The following RBMS3 variants were observed in gnomAD, a reference collection of about 807,000 sequenced individuals.
RBMS3 encodes the protein RNA-binding motif, single-stranded-interacting protein 3.
RBMS3 carries 27 observed loss-of-function variants against 66.8 expected under a neutral mutation model. The ratio of observed to expected loss-of-function variants is 0.40; its 90% CI spans 0.30 to 0.56. The LOEUF is 0.56. Among genes scored for constraint, RBMS3 ranks in the 20% least tolerant of loss-of-function variants. The pLI, the probability that RBMS3 is intolerant of heterozygous loss-of-function variation, is 0.40. For synonymous variants in RBMS3, 188 were observed against 183.0 expected (o/e 1.03, Z -0.22); for missense variants, 513 against 549.5 (o/e 0.93, Z 0.66).
intron 1 of RBMS3, among the ~76,000 whole-genome samples, chr3:29,387,350 A>G (rs1000716970): frequency 2.6e-5 from 4 of 152,216 alleles, no homozygotes; most frequent in African/African-American, 9.7e-5. Context: ...AATCACAAAG[A>G]AAAAACAACT....
At chr3:29,559,829 C>T (rs969311198) in intron 3 of RBMS3, among the ~76,000 whole-genome samples, 3 of 152,058 alleles carry the variant, frequency 2.0e-5, no homozygotes, top group Non-Finnish European at 4.4e-5. Context: ...AGTGGTGAAC[C>T]TAAATAAAGA....
rs187387358 is a variant in RBMS3 at position 29,308,160 on chromosome 3, G to A, written c.75+26404G>A. On this transcript the variant is annotated intron_variant, in intron 1 of 14. Coordinates refer to ENST00000383767, the MANE Select transcript of RBMS3 (RefSeq NM_001003793.3). ...CTTGTCAGCAGTATGTTTTGCAATT[G>A]GAATGAATACTTAGACAAATAAATG... Among the ~76,000 whole-genome samples the A allele has an allele frequency of 3.7e-3, 558 of 151,806 alleles. 3 individuals are homozygous for A. The highest frequency in any genetic ancestry group is 0.012 in the African/African-American group (517 of 41,466).
rs1489385504 is a variant in RBMS3, at chr3:29,765,309, A to G, written c.637+2320A>G. Among the ~76,000 whole-genome samples, 5 of 151,946 alleles carry G rather than the reference A, an allele frequency of 3.3e-5. No homozygotes were observed. In the East Asian group the frequency reaches 9.7e-4, roughly 30 times the overall value. Reference sequence around the variant, plus strand: ...AAATAGCTGAAATCTTACTTTCAGAAATGTATGTCTTAACCAATATTTGAT... The same window carrying G: ...AAATAGCTGAAATCTTACTTTCAGAGATGTATGTCTTAACCAATATTTGAT... On this transcript the variant is annotated intron_variant, in intron 6 of 14. Coordinates refer to ENST00000383767, the MANE Select transcript of RBMS3 (RefSeq NM_001003793.3).
At chr3:29,933,105 G>A (rs1420649694) in intron 10 of RBMS3, among the ~76,000 whole-genome samples, 3 of 152,158 alleles carry the variant, frequency 2.0e-5, no homozygotes, top group East Asian at 3.9e-4. Flanking sequence ...CACTTGCCAG[G>A]TGAACTCTGT....
At chr3:29,297,524 G>T in intron 1 of RBMS3, among the ~76,000 whole-genome samples, 1 of 151,652 alleles carries the variant, frequency 6.6e-6, no homozygotes, top group South Asian at 2.1e-4. Flanking sequence ...GCAATCAGCT[G>T]GATTGAAATC....
intron 4 of RBMS3, among the ~76,000 whole-genome samples, chr3:29,706,402 A>G (rs534716818): frequency 1.3e-5 from 2 of 152,210 alleles, no homozygotes; most frequent in Non-Finnish European, 2.9e-5. Context: ...GTCAATCCAA[A>G]GTGACACATA....
chr3:29,944,374 TTCCA>T, intron 12 of RBMS3, 120 bp downstream of exon 12: 1 of 797,084 alleles, frequency 1.3e-6, no homozygotes, highest in Admixed American at 2.1e-5. Context: ...GAAATTTGAA[TTCCA>T]GTTTGCAAGG....
chr3:29,690,707 C>T (rs2051965991), intron 4 of RBMS3, among the ~76,000 whole-genome samples: 1 of 152,180 alleles, frequency 6.6e-6, no homozygotes, highest in African/African-American at 2.4e-5. Flanking sequence ...AAGTTCTGTG[C>T]TTTCCATACC....
At chr3:29,394,134 A>C (rs576728031) in intron 1 of RBMS3, among the ~76,000 whole-genome samples, 3 of 152,218 alleles carry the variant, frequency 2.0e-5, no homozygotes, top group Non-Finnish European at 4.4e-5. Flanking sequence ...CTTCAACTGC[A>C]TAAGACAGAC....
At chr3:29,745,091 G>A (rs1032456909) in intron 5 of RBMS3, among the ~76,000 whole-genome samples, 1 of 152,102 alleles carries the variant, frequency 6.6e-6, no homozygotes, top group African/African-American at 2.4e-5. Context: ...AAAGTAAAAG[G>A]AGTATCTTCA....
chr3:29,324,928 T>C (rs2035232675), intron 1 of RBMS3, among the ~76,000 whole-genome samples: 1 of 152,112 alleles, frequency 6.6e-6, no homozygotes, highest in Non-Finnish European at 1.5e-5. Context: ...GTCATTTCTG[T>C]TATGAAAACT....
intron 2 of RBMS3, among the ~76,000 whole-genome samples, chr3:29,472,828 C>G (rs186303532): frequency 6.6e-6 from 1 of 152,222 alleles, no homozygotes; most frequent in Admixed American, 6.5e-5. Context: ...AGCGAAAGAA[C>G]AAAGCTTTCA....
intron 8 of RBMS3, among the ~76,000 whole-genome samples, chr3:29,892,160 G>A (rs191279625): frequency 6.6e-6 from 1 of 151,610 alleles, no homozygotes; most frequent in Admixed American, 6.6e-5. Context: ...CTGGAGGACG[G>A]TTGCCTTTAA....
At chr3:29,369,589 A>G (rs532876285) in intron 1 of RBMS3, among the ~76,000 whole-genome samples, 23 of 151,700 alleles carry the variant, frequency 1.5e-4, no homozygotes, top group African/African-American at 4.6e-4. Flanking sequence ...TCTGCTAATT[A>G]AGGGAACTGC....
rs1437076646 is a variant in RBMS3, at chr3:30,005,210, G to T, written c.*1348G>T. On this transcript the variant is annotated 3_prime_UTR_variant, in exon 15 of 15. Transcript: ENST00000383767. ...TTTACATAGTGCAAAAAAAAAAAGA[G>T]GGTGGGGGGAGTTGTCTCTCTTTTC... The T allele has an allele frequency of 6.6e-6, 1 of 151,506 alleles. No individual in the cohort carries two copies. Among genetic ancestry groups the T allele is most frequent in the Non-Finnish European group, 1.5e-5 (1 of 67,702 alleles). The allele number at this position is 151,506 out of a possible 1,614,324, so 9.4% of individuals were successfully genotyped here. A position where few individuals can be genotyped will look rare whatever the true frequency, so the allele number is the denominator to read the frequency against.
chr3:29,315,754 T>C (rs1645368379), intron 1 of RBMS3, among the ~76,000 whole-genome samples: 1 of 151,690 alleles, frequency 6.6e-6, no homozygotes, highest in South Asian at 2.1e-4. Context: ...TTGGTACATG[T>C]ATAGGGGCAT....
intron 12 of RBMS3, among the ~76,000 whole-genome samples, chr3:29,985,616 C>T (rs1698329313): frequency 6.6e-6 from 1 of 152,108 alleles, no homozygotes; most frequent in Non-Finnish European, 1.5e-5. Context: ...TATCCAACCC[C>T]TTGTGCTTCC....
chr3:29,476,540 AT>A (rs1384603851), intron 2 of RBMS3, among the ~76,000 whole-genome samples: 1 of 152,198 alleles, frequency 6.6e-6, no homozygotes, highest in East Asian at 1.9e-4. Context: ...TTCCACAAGG[AT>A]TGATCTTTTG....
chr3:29,395,879 A>G (rs2039524056), intron 1 of RBMS3, among the ~76,000 whole-genome samples: 1 of 152,212 alleles, frequency 6.6e-6, no homozygotes, highest in African/African-American at 2.4e-5. Flanking sequence ...TAATAGGGTA[A>G]ATATGGATGG....
Sources: allele counts gnomAD v4.1 joint callset (sites outside exome capture counted in the v4.1 genomes callset), GRCh38; gene constraint gnomAD v4.1.1; transcripts MANE v1.5; gene names NCBI Gene and HGNC (gene_info 2026-07-23, HGNC 2026-07-21).